Variants in STPG2 observed in about 807,000 individuals in gnomAD.
STPG2 encodes the protein sperm-tail PG-rich repeat-containing protein 2.
STPG2 carries 56 observed loss-of-function variants against 54.2 expected under a neutral mutation model. The ratio of observed to expected loss-of-function variants is 1.03; its 90% CI spans 0.83 to 1.29. The LOEUF is 1.29. Ranked by LOEUF, STPG2 falls within the 50% of genes most tolerant of loss-of-function variation. The pLI is 0.00. For synonymous variants in STPG2, 200 were observed against 181.8 expected, an observed-to-expected ratio of 1.10 and a Z score of -0.81; for missense variants, 596 against 544.9, an observed-to-expected ratio of 1.09 and a Z score of -0.93.
chr4:97,907,407 A>G (rs1267806289), intron 8 of STPG2, among the ~76,000 whole-genome samples: 1 of 152,110 alleles, frequency 6.6e-6, no homozygotes, highest in Non-Finnish European at 1.5e-5. Context: ...GTTCATGGGT[A>G]GGAAGAATCA....
At chr4:97,469,859 T>C (rs1729879657) in intron 4 of STPG2, among the ~76,000 whole-genome samples, 1 of 152,000 alleles carries the variant, frequency 6.6e-6, no homozygotes, top group Admixed American at 6.6e-5. Context: ...AAAAAGGTTG[T>C]GTTTTATGTG....
intron 8 of STPG2, among the ~76,000 whole-genome samples, chr4:97,862,474 T>G (rs1729589535): frequency 6.6e-6 from 1 of 152,040 alleles, no homozygotes; most frequent in East Asian, 1.9e-4. Flanking sequence ...CAAAGAGACT[T>G]AGACTCCCAC....
At position 97,828,392 on chromosome 4, in the gene STPG2, G is replaced by T. The variant is rs191458626; in HGVS notation, c.1204+12381C>A. Among the ~76,000 whole-genome samples the T allele has an allele frequency of 4.2e-3, 642 of 152,274 alleles. 3 individuals carry two copies. The highest frequency in any genetic ancestry group is 0.024 in the South Asian group (117 of 4,834). The stretch of plus-strand genomic sequence containing the variant: ...ACTTTTTCTAAGACCTTCGCAACCC[G>T]CAGACCAGGAGATTCCCTCCAGTGC... On this transcript the variant is annotated intron_variant, in intron 9 of 10. Coordinates refer to ENST00000295268, the MANE Select transcript of STPG2 (RefSeq NM_174952.3).
At chr4:97,989,387 T>C (rs1734940549) in intron 5 of STPG2, among the ~76,000 whole-genome samples, 1 of 152,172 alleles carries the variant, frequency 6.6e-6, no homozygotes, top group Admixed American at 6.5e-5. Flanking sequence ...GTTCCAAGTC[T>C]CCCAGTGAAT....
chr4:98,034,762 G>A (rs1047568636), intron 5 of STPG2, among the ~76,000 whole-genome samples: 1 of 152,034 alleles, frequency 6.6e-6, no homozygotes, highest in Non-Finnish European at 1.5e-5. Flanking sequence ...ATAGACCAAT[G>A]GAACAGAACA....
chr4:97,693,469 C>G (rs1474229569), intron 10 of STPG2, among the ~76,000 whole-genome samples: 1 of 152,100 alleles, frequency 6.6e-6, no homozygotes, highest in African/African-American at 2.4e-5. Flanking sequence ...AAGGACTACT[C>G]TAAAAGGAAA....
chr4:97,725,425 A>C (rs1311510316), intron 9 of STPG2, among the ~76,000 whole-genome samples: 2 of 152,030 alleles, frequency 1.3e-5, no homozygotes, highest in African/African-American at 4.8e-5. Context: ...CTGAAGAAAA[A>C]AAAATAGTTT....
chr4:97,910,657 A>G (rs1436692919), intron 8 of STPG2, among the ~76,000 whole-genome samples: 2 of 152,224 alleles, frequency 1.3e-5, no homozygotes, highest in East Asian at 1.9e-4. Context: ...CTGAAAATGT[A>G]TAGAACGCAT....
intron 10 of STPG2, among the ~76,000 whole-genome samples, chr4:97,599,090 A>G (rs1179072542): frequency 6.6e-6 from 1 of 152,214 alleles, no homozygotes; most frequent in Non-Finnish European, 1.5e-5. Context: ...AACCCCATTG[A>G]AAGTGGGCAG....
chr4:97,810,423 C>G (rs763341281), intron 9 of STPG2, among the ~76,000 whole-genome samples: 4 of 147,884 alleles, frequency 2.7e-5, no homozygotes, highest in Non-Finnish European at 5.9e-5. Flanking sequence ...GAGATTGCAC[C>G]ACTGCACTTC....
At position 97,653,399 on chromosome 4, in the gene STPG2, A is replaced by C. The variant is rs1399173400; in HGVS notation, c.1320+59300T>G. ...CTATCAATATGGAAGAAAAAAAAAAACCTTGAAACTCTACGTCTCTCTTCT... is the reference window on the plus strand; with the variant it reads ...CTATCAATATGGAAGAAAAAAAAAACCCTTGAAACTCTACGTCTCTCTTCT... On this transcript the variant is annotated intron_variant, in intron 10 of 10. Coordinates refer to ENST00000295268, the MANE Select transcript of STPG2 (RefSeq NM_174952.3). Among the ~76,000 whole-genome samples the C allele has an allele frequency of 4.0e-5, 6 of 151,566 alleles. No individual in the cohort carries two copies. In the East Asian group the frequency reaches 1.2e-3, roughly 29 times the overall value.
At chr4:97,744,736 T>C (rs569751853) in intron 9 of STPG2, among the ~76,000 whole-genome samples, 2 of 151,502 alleles carry the variant, frequency 1.3e-5, no homozygotes, top group South Asian at 2.1e-4. Flanking sequence ...ATGATAACAC[T>C]ATGCTGTATA....
At chr4:97,457,895 G>C (rs980398795) in intron 4 of STPG2, among the ~76,000 whole-genome samples, 7 of 152,254 alleles carry the variant, frequency 4.6e-5, no homozygotes, top group Middle Eastern at 3.4e-3. Context: ...ATGATGAAGA[G>C]GTGGCAGTGA....
In STPG2 at chr4:98,128,586, A is replaced by T. The variant is rs1183960694; in HGVS notation, c.229T>A (p.Ser77Thr). ...CTTCTGGTAAGTGTAGGTGATCTTG[A>T]AATTTTCTGCAAGGAAAACATTTTA... ...HYNVSEAQKI[S>T]RSPTLTRSVD... Residue 77 changes from serine (S) to threonine (T), a missense_variant, in exon 3 of 11, where the codon TCA (serine) becomes ACA (threonine). By Grantham distance (58) the Ser-to-Thr change is moderately conservative. Transcript: ENST00000295268. The T allele has an allele frequency of 1.4e-5, 22 of 1,581,784 alleles. No individual in the cohort carries two copies. The Admixed American group carries it at 4.0e-4, about 29-fold the overall frequency.
At chr4:98,014,895 A>G (rs1049001772) in intron 5 of STPG2, among the ~76,000 whole-genome samples, 3 of 151,702 alleles carry the variant, frequency 2.0e-5, no homozygotes, top group Non-Finnish European at 4.4e-5. Context: ...CTTCGTTGAC[A>G]TTTTTTTTCT....
rs1388357579 is a variant in STPG2, at chr4:98,109,306, C to A, written c.388-1G>T. 6.3e-7 allele frequency: 1 copy of A among 1,587,706 alleles called. No individual in the cohort carries two copies. The highest frequency in any genetic ancestry group is 1.8e-5 in the Admixed American group (1 of 55,914). On this transcript the variant is annotated splice_acceptor_variant, in intron 3 of 10. Transcript: ENST00000295268. LOFTEE classifies it high-confidence loss of function. ...ATTTCAAAGTTGCATTGGAAACATC[C>A]TAAAAAATAAAAAGTTTTAAAAAGT...
At chr4:98,024,769 T>C (rs1156901660) in intron 5 of STPG2, among the ~76,000 whole-genome samples, 3 of 152,246 alleles carry the variant, frequency 2.0e-5, no homozygotes, top group Non-Finnish European at 2.9e-5. Context: ...ATATAATTAC[T>C]TTCACTGGCT....
At chr4:97,636,855 T>G (rs1024317780) in intron 10 of STPG2, among the ~76,000 whole-genome samples, 1 of 151,480 alleles carries the variant, frequency 6.6e-6, no homozygotes, top group Admixed American at 6.6e-5. Context: ...AATCAATAGC[T>G]TACCAACCAA....
At chr4:97,600,974 G>T (rs1733443750) in intron 10 of STPG2, among the ~76,000 whole-genome samples, 2 of 151,958 alleles carry the variant, frequency 1.3e-5, no homozygotes, top group African/African-American at 4.8e-5. Flanking sequence ...AGCAAAGTGA[G>T]GATGACTATC....
Sources: allele counts gnomAD v4.1 joint callset (sites outside exome capture counted in the v4.1 genomes callset), GRCh38; gene constraint gnomAD v4.1.1; transcripts MANE v1.5; gene names NCBI Gene and HGNC (gene_info 2026-07-23, HGNC 2026-07-21).